Variants in ZC3H8 observed in about 807,000 individuals in gnomAD.
The protein encoded by ZC3H8 is zinc finger CCCH domain-containing protein 8.
Under a neutral mutation model 42.5 loss-of-function variants are expected in ZC3H8, and 27 were observed. The ratio of observed to expected loss-of-function variants is 0.64; its 90% CI spans 0.47 to 0.88. ZC3H8 has a LOEUF of 0.88. Ranked by LOEUF, ZC3H8 falls within the 40% of genes least tolerant of loss-of-function variation. The pLI, the probability that ZC3H8 is intolerant of heterozygous loss-of-function variation, is 0.00. For missense variants in ZC3H8, 277 were observed against 336.1 expected, an observed-to-expected ratio of 0.82 and a Z score of 1.37; for synonymous variants, 101 against 110.1, an observed-to-expected ratio of 0.92 and a Z score of 0.52.
At chr2:112,249,015 C>T (rs1454013599) in intron 2 of ZC3H8, among the ~76,000 whole-genome samples, 1 of 151,976 alleles carries the variant, frequency 6.6e-6, no homozygotes, top group Non-Finnish European at 1.5e-5. Flanking sequence ...GGCAACATGG[C>T]GAAACCCCAT....
At chr2:112,233,969 T>C in intron 5 of ZC3H8, 151 bp downstream of exon 5, 1 of 507,578 alleles carries the variant, frequency 2.0e-6, no homozygotes, top group Non-Finnish European at 3.3e-6. Flanking sequence ...GCTACTTTTT[T>C]AAACATAAAA....
intron 8 of ZC3H8, among the ~76,000 whole-genome samples, chr2:112,222,383 G>A (rs1191098334): frequency 6.6e-6 from 1 of 152,186 alleles, no homozygotes; most frequent in African/African-American, 2.4e-5. Flanking sequence ...CTGGCTACAA[G>A]AGGTGGGGGG....
intron 8 of ZC3H8, among the ~76,000 whole-genome samples, chr2:112,224,561 C>T (rs1167224416): frequency 1.6e-4 from 25 of 152,086 alleles, no homozygotes; most frequent in Admixed American, 1.6e-3. Context: ...CATAAATGTT[C>T]GCTGAAGCTT....
In ZC3H8 at chr2:112,244,777, C is replaced by T. The variant is rs78737227; in HGVS notation, c.156+5414G>A. On this transcript the variant is annotated intron_variant, in intron 2 of 8. Coordinates refer to ENST00000409573, the MANE Select transcript of ZC3H8 (RefSeq NM_032494.3). ...CATGAACCATGCCCACATAAGATGG[C>T]GAACTTAATCGATAAATGTTGCATG... Among the ~76,000 whole-genome samples, 596 of 152,288 alleles carry T rather than the reference C, an allele frequency of 3.9e-3. 4 individuals are homozygous for T. The highest frequency in any genetic ancestry group is 0.014 in the African/African-American group (570 of 41,548).
At chr2:112,232,282 T>C (rs1431978336) in intron 6 of ZC3H8, among the ~76,000 whole-genome samples, 2 of 127,066 alleles carry the variant, frequency 1.6e-5, no homozygotes, top group African/African-American at 6.1e-5. Context: ...TCCACTGCAC[T>C]CCAGCCTGGG....
chr2:112,233,182 G>A lies in ZC3H8; in HGVS notation c.733+78C>T, dbSNP rs80019563. On this transcript the variant is annotated intron_variant, in intron 6 of 8. Transcript: ENST00000409573. ...TCATTTTGGTATACCTAAAACACTG[G>A]TTTCATTAAAAATTTTGCACATTTA... 3.9e-3 allele frequency: 3,527 copies of A among 902,344 alleles called. 10 individuals are homozygous for A. Among genetic ancestry groups the A allele is most frequent in the Non-Finnish European group, 4.9e-3 (3,029 of 612,674 alleles). 55.9% of individuals were successfully genotyped at this position (902,344 alleles called of 1,614,324 possible).
At position 112,236,581 on chromosome 2, in the gene ZC3H8, T is replaced by C. The variant is rs772791914; in HGVS notation, c.485A>G (p.Asn162Ser). ...CAATACCTCTTCCTGTGAGCCGCTGTTCCTCAGCAAAGCATTTGATCCTTT... is the reference window on the plus strand; with the variant it reads ...CAATACCTCTTCCTGTGAGCCGCTGCTCCTCAGCAAAGCATTTGATCCTTT... ...GNKGSNALLR[N>S]SGSQEEDGKP... is the part of the protein sequence containing the mutation. Residue 162 changes from asparagine to serine, a missense_variant, in exon 4 of 9, where the codon AAC becomes AGC. Coordinates refer to ENST00000409573, the MANE Select transcript of ZC3H8 (RefSeq NM_032494.3). 6 of 1,613,716 alleles carry C rather than the reference T, an allele frequency of 3.7e-6. No homozygotes were observed. In the South Asian group the frequency reaches 6.6e-5, roughly 18 times the overall value.
intron 1 of ZC3H8, among the ~76,000 whole-genome samples, chr2:112,250,703 AG>A (rs1231722656): frequency 2.6e-5 from 4 of 152,192 alleles, no homozygotes; most frequent in African/African-American, 4.8e-5. Context: ...TGGTATGGTA[AG>A]TATAGGGGCA....
intron 2 of ZC3H8, among the ~76,000 whole-genome samples, chr2:112,241,767 G>C (rs1158007559): frequency 6.6e-6 from 1 of 152,102 alleles, no homozygotes; most frequent in African/African-American, 2.4e-5. Context: ...TAACTGCTCT[G>C]CTAGGTCTTA....
intron 2 of ZC3H8, among the ~76,000 whole-genome samples, chr2:112,248,489 TA>T (rs1234375604): frequency 6.6e-6 from 1 of 152,170 alleles, no homozygotes; most frequent in African/African-American, 2.4e-5. Flanking sequence ...TATAGTGTGT[TA>T]AAACTCATTT....
chr2:112,218,564 T>C (rs909380352), intron 8 of ZC3H8, among the ~76,000 whole-genome samples: 7 of 152,160 alleles, frequency 4.6e-5, no homozygotes, highest in Admixed American at 1.3e-4. Flanking sequence ...CCAAAAAGAA[T>C]AGAATACGGT....
At chr2:112,230,302 A>C (rs942809521) in intron 8 of ZC3H8, among the ~76,000 whole-genome samples, 5 of 152,200 alleles carry the variant, frequency 3.3e-5, no homozygotes, top group Non-Finnish European at 7.4e-5. Context: ...TGAGAAAAAA[A>C]CTGATATTAT....
At chr2:112,233,787 T>C (rs1370517131) in intron 5 of ZC3H8, among the ~76,000 whole-genome samples, 1 of 152,082 alleles carries the variant, frequency 6.6e-6, no homozygotes, top group East Asian at 1.9e-4. Context: ...GAGAATGGCA[T>C]GAACCCAGGA....
chr2:112,230,739 T>C, intron 8 of ZC3H8, 164 bp downstream of exon 8: 1 of 319,302 alleles, frequency 3.1e-6, no homozygotes, highest in South Asian at 4.5e-5. Flanking sequence ...CAGGCTGATG[T>C]AGATCCATAT....
chr2:112,242,781 CTCT>C (rs1685630508), intron 2 of ZC3H8, among the ~76,000 whole-genome samples: 1 of 152,164 alleles, frequency 6.6e-6, no homozygotes, highest in African/African-American at 2.4e-5. Flanking sequence ...TACTCCAGCT[CTCT>C]TCTGATTAAA....
chr2:112,238,773 TTTGA>T (rs1372229874), intron 2 of ZC3H8, among the ~76,000 whole-genome samples: 1 of 152,232 alleles, frequency 6.6e-6, no homozygotes, highest in East Asian at 1.9e-4. Flanking sequence ...TTAAAGATGA[TTTGA>T]GGGAAAATTC....
intron 2 of ZC3H8, among the ~76,000 whole-genome samples, chr2:112,249,467 G>T (rs1443651848): frequency 6.6e-6 from 1 of 151,770 alleles, no homozygotes; most frequent in African/African-American, 2.4e-5. Context: ...GTTTTGATTC[G>T]GAGTCTCGCT....
intron 4 of ZC3H8, among the ~76,000 whole-genome samples, chr2:112,236,301 T>G (rs1344195842): frequency 6.6e-6 from 1 of 152,068 alleles, no homozygotes; most frequent in African/African-American, 2.4e-5. Flanking sequence ...GGAGCTTGTG[T>G]GCATATATTC....
At chr2:112,233,434 A>C in intron 5 of ZC3H8, 63 bp from the exon 6 acceptor site, 2 of 1,098,584 alleles carry the variant, frequency 1.8e-6, no homozygotes, top group Non-Finnish European at 2.6e-6. Context: ...TTATGATTTA[A>C]TTCCTACTAA....
Sources: gnomAD v4.1 joint callset for allele counts (sites outside exome capture counted in the v4.1 genomes callset) on GRCh38, gnomAD v4.1.1 for gene constraint, MANE v1.5 for transcripts, NCBI Gene and HGNC (gene_info 2026-07-23, HGNC 2026-07-21) for gene names.